MZF1: variants seen among roughly 807,000 people sequenced by gnomAD.
MZF1 encodes the protein myeloid zinc finger 1, also known as zinc finger and SCAN domain-containing protein 6.
Under a neutral mutation model 28.6 loss-of-function variants are expected in MZF1, and 24 were observed. The ratio of observed to expected loss-of-function variants is 0.84; its 90% confidence interval spans 0.61 to 1.18. The LOEUF (loss-of-function observed/expected upper bound fraction) is 1.18, where lower values mean the gene tolerates loss of function less well. Among genes scored for constraint, MZF1 ranks in the 50% most tolerant of loss-of-function variants. MZF1 has a pLI of 0.00. For missense variants in MZF1, 1,166 were observed against 1,026.4 expected (o/e 1.14, Z -1.86); for synonymous variants, 516 against 432.5 (o/e 1.19, Z -2.40).
In MZF1 at chr19:58,572,684, C is replaced by G; in HGVS notation, c.-41+371G>C. On this transcript the variant is annotated intron_variant, in intron 1 of 5. Transcript: ENST00000215057. ...GGGCCGCCTCATCCTGGGGGCCAAG[C>G]CTCCACTCTTCAAGGTGCCAAGTCA... The G allele has an allele frequency of 8.1e-6, 10 of 1,227,096 alleles. 1 individual carries two copies. In the South Asian group the frequency reaches 1.3e-4, roughly 15 times the overall value. 76.0% of individuals were successfully genotyped at this position (1,227,096 alleles called of 1,614,324 possible).
intron 5 of MZF1, among the ~76,000 whole-genome samples, chr19:58,564,934 T>C (rs2054017317): frequency 7.4e-6 from 1 of 134,272 alleles, no homozygotes; most frequent in African/African-American, 3.1e-5. Context: ...TTTTTTTTTT[T>C]TTTTGAGACT....
At chr19:58,565,512 G>A (rs1355852679) in intron 5 of MZF1, among the ~76,000 whole-genome samples, 3 of 151,646 alleles carry the variant, frequency 2.0e-5, no homozygotes, top group Admixed American at 6.6e-5. Flanking sequence ...TTACAGGTGT[G>A]AGCCACCACG....
intron 5 of MZF1, among the ~76,000 whole-genome samples, chr19:58,567,322 G>C (rs1006567440): frequency 1.3e-5 from 2 of 152,230 alleles, no homozygotes; most frequent in African/African-American, 4.8e-5. Flanking sequence ...ATGCTGGGCA[G>C]GGCTGCTGCT....
rs181478905 is a variant in MZF1, at chr19:58,573,034, T to A, written c.-41+21A>T. ...CCCGTCCACACGATAGCCCTCCCGG[T>A]TAAGAGGACCCCGCCCTCACCTCTG... On this transcript the variant is annotated intron_variant, in intron 1 of 5. Transcript: ENST00000215057. 38 of 164,380 alleles carry A rather than the reference T, an allele frequency of 2.3e-4. 1 individual carries two copies. The Admixed American group carries it at 2.4e-3, about 10-fold the overall frequency. 10.2% of individuals were successfully genotyped at this position (164,380 alleles called of 1,614,324 possible).
chr19:58,571,004 G>T lies in MZF1; in HGVS notation c.386C>A (p.Pro129His), dbSNP rs2054150056. The T allele has an allele frequency of 1.2e-6, 2 of 1,607,172 alleles. No individual in the cohort carries two copies. Among genetic ancestry groups the T allele is most frequent in the South Asian group, 1.1e-5 (1 of 90,652 alleles). Residue 129 changes from proline to histidine, a missense_variant, in exon 2 of 6, where the codon CCC becomes CAC. By Grantham distance (77) the Pro-to-His change is moderately conservative (BLOSUM62 -2). Transcript: ENST00000215057. The stretch of plus-strand genomic sequence containing the variant: ...TGGACACTCACTCACCCATCTCCGG[G>T]GTCCGCCCGGCTCCCGGCGCAGCCC... ...VDGLRREPGG[P>H]RRWVTVQVQG...
intron 5 of MZF1, among the ~76,000 whole-genome samples, chr19:58,566,905 C>CCT (rs1555802669): frequency 2.1e-5 from 3 of 145,568 alleles, no homozygotes; most frequent in Non-Finnish European, 4.5e-5. Flanking sequence ...TCCCAAGACT[C>CCT]TTTTTTTTTT....
In MZF1 at chr19:58,561,937, ATCTACTGTTTAT is replaced by A. The variant is rs1305204643; in HGVS notation, c.*123_*134del. The stretch of plus-strand genomic sequence containing the variant: ...CTGAGTGGGTGGAGACCCAGTTTCC[ATCTACTGTTTAT>A]TGGACACCTACAGTAGCCAAGCCCT... On this transcript the variant is annotated 3_prime_UTR_variant, in exon 6 of 6. Transcript: ENST00000215057. The A allele has an allele frequency of 4.5e-6, 4 of 893,810 alleles. No individual in the cohort carries two copies. The East Asian group carries it at 1.1e-4, about 24-fold the overall frequency. The allele number at this position is 893,810 out of a possible 1,614,324, so 55.4% of individuals were successfully genotyped here.
At position 58,562,436 on chromosome 19, in the gene MZF1, C is replaced by T. The variant is rs777417118; in HGVS notation, c.1841G>A (p.Arg614His). 21 of 1,608,740 alleles carry T rather than the reference C, an allele frequency of 1.3e-5. No individual in the cohort carries two copies. Among genetic ancestry groups the T allele is most frequent in the Non-Finnish European group, 1.4e-5 (16 of 1,178,600 alleles). ...QRFSQRLKLT[R>H]HQRTHTGEKP... The stretch of plus-strand genomic sequence containing the variant: ...TTCGCCGGTGTGTGTCCTCTGATGA[C>T]GCGTGAGCTTGAGGCGCTGGCTGAA... The change falls in exon 6 of 6, where the codon CGT (arginine) becomes CAT (histidine). Residue 614 changes from arginine (R) to histidine (H), a missense_variant. Transcript: ENST00000215057.
In MZF1 at chr19:58,562,987, A is replaced by G. The variant is rs761975366; in HGVS notation, c.1290T>C (p.His430=). 6.2e-7 allele frequency: 1 copy of G among 1,601,910 alleles called. No individual in the cohort carries two copies. The highest frequency in any genetic ancestry group is 1.3e-5 in the African/African-American group (1 of 74,854). The part of the protein sequence containing the change: ...GFVRSARLEE[H]RRVHTGEQPF... ...GCTGTTCGCCCGTGTGCACTCTCCG[A>G]TGCTCTTCCAGGCGCGCGCTGCGCA... is the stretch of plus-strand genomic sequence containing the variant. The change falls in exon 6 of 6, where the codon CAT becomes CAC. Residue 430 remains histidine, a synonymous_variant. Transcript: ENST00000215057.
Position 58,572,339 on chromosome 19 carries a change from A to G in MZF1, c.-41+716T>C, listed in dbSNP as rs187160951. Among the ~76,000 whole-genome samples the G allele has an allele frequency of 2.2e-4, 34 of 152,110 alleles. No individual in the cohort carries two copies. The East Asian group carries it at 6.0e-3, about 27-fold the overall frequency. ...CTACTCAGCCCCATCTTCTAAGCCC[A>G]ACATCACACTACGCAATGCCCCATC... On this transcript the variant is annotated intron_variant, in intron 1 of 5. Transcript: ENST00000215057.
chr19:58,569,778 G>T lies in MZF1; in HGVS notation c.581-192C>A, dbSNP rs1423786399. The T allele has an allele frequency of 1.9e-5, 11 of 567,948 alleles. No individual in the cohort carries two copies. The Admixed American group carries it at 2.9e-4, about 15-fold the overall frequency. 35.2% of individuals were successfully genotyped at this position (567,948 alleles called of 1,614,324 possible). A position where few individuals can be genotyped will look rare whatever the true frequency, so the allele number is the denominator to read the frequency against. On this transcript the variant is annotated intron_variant, in intron 3 of 5. Coordinates refer to ENST00000215057, the MANE Select transcript of MZF1 (RefSeq NM_198055.2). ...AAGCAGAGTACCCTGGAAGGCCAGG[G>T]GTTGAGCTGCAGTGGGATGAGATGG...
chr19:58,563,800 T>C (rs910454661), intron 5 of MZF1: 13 of 296,894 alleles, frequency 4.4e-5, no homozygotes, highest in Non-Finnish European at 7.5e-5. Context: ...GGGGGCATTG[T>C]CTAGGTGGAA....
At position 58,562,514 on chromosome 19, in the gene MZF1, A is replaced by C. The variant is rs1412782959; in HGVS notation, c.1763T>G (p.Leu588Arg). 5 of 1,606,840 alleles carry C rather than the reference A, an allele frequency of 3.1e-6. No homozygotes were observed. In the African/African-American group the frequency reaches 6.8e-5, roughly 22 times the overall value. The change falls in exon 6 of 6, where the codon CTC (leucine) becomes CGC (arginine). Residue 588 changes from leucine to arginine, a missense_variant. Transcript: ENST00000215057. Reference protein sequence around the residue: ...FRQRPTLTQHLRVHTGEKPFA... With the variant: ...FRQRPTLTQHRRVHTGEKPFA... Reference sequence around the variant, plus strand: ...GGGTTTCTCGCCCGTGTGTACGCGGAGATGCTGCGTGAGCGTAGGCCGCTG... The same window carrying C: ...GGGTTTCTCGCCCGTGTGTACGCGGCGATGCTGCGTGAGCGTAGGCCGCTG...
chr19:58,571,664 C>A, intron 1 of MZF1: 1 of 450,052 alleles, frequency 2.2e-6, no homozygotes, highest in East Asian at 3.5e-5. Flanking sequence ...CTGACAGTCT[C>A]CCTGCTCCAA....
Position 58,562,856 on chromosome 19 carries a change from G to A in MZF1, c.1421C>T (p.Ala474Val). ...DPPGPGAKPP[A>V]PPGAPEPPGP... The stretch of plus-strand genomic sequence containing the variant: ...GGGAGGCTCGGGCGCACCAGGAGGG[G>A]CCGGGGGCTTAGCGCCAGGGCCCGG... Residue 474 changes from alanine to valine, a missense_variant, in exon 6 of 6, where the codon GCC (alanine) becomes GTC (valine). Coordinates refer to ENST00000215057, the MANE Select transcript of MZF1 (RefSeq NM_198055.2). The A allele has an allele frequency of 6.5e-7, 1 of 1,541,398 alleles. No individual in the cohort carries two copies. The highest frequency in any genetic ancestry group is 8.7e-7 in the Non-Finnish European group (1 of 1,149,976).
chr19:58,563,466 C>T lies in MZF1; in HGVS notation c.811G>A (p.Gly271Ser). 6.4e-7 allele frequency: 1 copy of T among 1,570,748 alleles called. No individual in the cohort carries two copies. Among genetic ancestry groups the T allele is most frequent in the Non-Finnish European group, 8.6e-7 (1 of 1,157,046 alleles). Residue 271 changes from glycine (G) to serine (S), a missense_variant, in exon 6 of 6, where the codon GGT (glycine) becomes AGT (serine). By Grantham distance (56) the Gly-to-Ser change is moderately conservative (BLOSUM62 0). Coordinates refer to ENST00000215057, the MANE Select transcript of MZF1 (RefSeq NM_198055.2). Reference protein sequence around the residue: ...LQLGSISAGPGSVSPHLHVPW... With the variant: ...LQLGSISAGPSSVSPHLHVPW... ...ACGTGGAGGTGAGGGCTTACACTAC[C>T]TGGACCTGCGGAGATGCTGCCTAGC...
At chr19:58,569,053 C>A (rs2054108101) in intron 5 of MZF1, 1 of 491,280 alleles carries the variant, frequency 2.0e-6, no homozygotes, top group Admixed American at 3.9e-5. Flanking sequence ...TGGGGAGTTT[C>A]TAGAAAGTAG....
intron 5 of MZF1, 155 bp from the exon 6 acceptor site, chr19:58,563,659 C>G: frequency 1.6e-6 from 1 of 608,404 alleles, no homozygotes. Context: ...TCTATCTGTA[C>G]AGACTTCCCT....
chr19:58,566,861 C>A (rs574467298), intron 5 of MZF1, among the ~76,000 whole-genome samples: 1 of 151,966 alleles, frequency 6.6e-6, no homozygotes, highest in Non-Finnish European at 1.5e-5. Context: ...GATAGATAAA[C>A]CTCTCTGGCT....
Sources: allele counts gnomAD v4.1 joint callset (sites outside exome capture counted in the v4.1 genomes callset), GRCh38; gene constraint gnomAD v4.1.1; transcripts MANE v1.5; gene names NCBI Gene and HGNC (gene_info 2026-07-23, HGNC 2026-07-21).